DENND5B: variants seen among roughly 807,000 people sequenced by gnomAD.
DENND5B encodes DENN domain containing 5B, also known as DENN domain-containing protein 5B.
In DENND5B, 34 loss-of-function variants were observed where a neutral mutation model predicts 140.6. The observed-to-expected ratio is 0.24, with a 90% confidence interval of 0.18 to 0.32. The LOEUF is 0.32. Ranked by LOEUF, DENND5B falls within the 10% of genes least tolerant of loss-of-function variation. The pLI is 1.00. For synonymous variants in DENND5B, 551 were observed against 562.1 expected (o/e 0.98, Z 0.28); for missense variants, 1,142 against 1,560.2 (o/e 0.73, Z 4.52).
chr12:31,544,328 C>A (rs1565680877), intron 1 of DENND5B, among the ~76,000 whole-genome samples: 1 of 152,162 alleles, frequency 6.6e-6, no homozygotes, highest in Non-Finnish European at 1.5e-5. Flanking sequence ...GTCACCCATG[C>A]TGCAGTGCAG....
chr12:31,501,590 A>G (rs371446938), intron 1 of DENND5B, among the ~76,000 whole-genome samples: 84 of 152,278 alleles, frequency 5.5e-4, no homozygotes, highest in African/African-American at 2.0e-3. Context: ...CCTGGCCAAC[A>G]TGGCAAAACC....
At chr12:31,438,130 C>T (rs868841161) in intron 7 of DENND5B, among the ~76,000 whole-genome samples, 20 of 152,274 alleles carry the variant, frequency 1.3e-4, no homozygotes, top group Middle Eastern at 3.4e-3. Context: ...CTCCAGCCAC[C>T]GTGCCCGGCT....
At chr12:31,423,886 G>A (rs1943128911) in intron 10 of DENND5B, among the ~76,000 whole-genome samples, 1 of 152,214 alleles carries the variant, frequency 6.6e-6, no homozygotes, top group Non-Finnish European at 1.5e-5. Context: ...CCTGGGAAAA[G>A]GAAGCAGCTA....
chr12:31,544,578 C>T (rs1948791472), intron 1 of DENND5B, among the ~76,000 whole-genome samples: 1 of 152,062 alleles, frequency 6.6e-6, no homozygotes. Context: ...AACCACCATG[C>T]CCAGCCAATA....
intron 14 of DENND5B, among the ~76,000 whole-genome samples, chr12:31,407,855 T>A (rs1312350802): frequency 6.6e-6 from 1 of 152,224 alleles, no homozygotes; most frequent in Admixed American, 6.5e-5. Context: ...TGTAAACCAC[T>A]GGTTTTCAAG....
At chr12:31,416,216 T>C (rs1400320337) in intron 11 of DENND5B, among the ~76,000 whole-genome samples, 1 of 152,078 alleles carries the variant, frequency 6.6e-6, no homozygotes, top group African/African-American at 2.4e-5. Flanking sequence ...TAGCAAACAA[T>C]GCAATGTGTA....
At chr12:31,564,634 T>G (rs1329253617) in intron 1 of DENND5B, among the ~76,000 whole-genome samples, 2 of 151,102 alleles carry the variant, frequency 1.3e-5, no homozygotes, top group South Asian at 4.2e-4. Flanking sequence ...TGTCACCCAG[T>G]CTGGAGAGCA....
intron 1 of DENND5B, among the ~76,000 whole-genome samples, chr12:31,530,176 C>G (rs903713522): frequency 1.3e-5 from 2 of 152,098 alleles, no homozygotes; most frequent in Non-Finnish European, 2.9e-5. Flanking sequence ...AGTTCGAGAC[C>G]AGCCTGGCCA....
In DENND5B at chr12:31,409,355, C is replaced by A; in HGVS notation, c.2711G>T (p.Arg904Leu). ...AAACTGCTCTCTTTCTTCTTCGCAA[C>A]GTAGAAAAGCATATCGCTTATAAAG... ...KKLYKRYAFLRCEEEREQFLY... is the reference protein window; with the variant it reads ...KKLYKRYAFLLCEEEREQFLY... The change falls in exon 14 of 21, where the codon CGT becomes CTT. Residue 904 changes from arginine to leucine, a missense_variant. Arg to Leu is a moderately radical substitution (Grantham distance 102). Coordinates refer to ENST00000389082, the MANE Select transcript of DENND5B (RefSeq NM_144973.4). 6.4e-7 allele frequency: 1 copy of A among 1,551,152 alleles called. No individual in the cohort carries two copies. The highest frequency in any genetic ancestry group is 8.7e-7 in the Non-Finnish European group (1 of 1,149,196).
intron 4 of DENND5B, among the ~76,000 whole-genome samples, chr12:31,459,741 C>G (rs1315538337): frequency 6.6e-6 from 1 of 152,160 alleles, no homozygotes; most frequent in African/African-American, 2.4e-5. Flanking sequence ...ACAGAGAATA[C>G]TGAAGTGTTT....
intron 8 of DENND5B, chr12:31,432,495 C>A (rs1943552720): frequency 6.6e-6 from 1 of 152,060 alleles, no homozygotes; most frequent in Admixed American, 6.6e-5. Flanking sequence ...CTGGGCATGG[C>A]AGCTCACACC....
At position 31,470,224 on chromosome 12, in the gene DENND5B, C is replaced by T. The variant is rs896841785; in HGVS notation, c.904+9365G>A. 4.7e-5 allele frequency among the ~76,000 whole-genome samples: 7 copies of T among 147,894 alleles called. No homozygotes were observed. The South Asian group carries it at 1.3e-3, about 27-fold the overall frequency. Reference sequence around the variant, plus strand: ...CTGCCTCCAGGGTTCAAGCGATTCTCCTGCCTCAGCCTCCCGAGTAGCTGG... The same window carrying T: ...CTGCCTCCAGGGTTCAAGCGATTCTTCTGCCTCAGCCTCCCGAGTAGCTGG... On this transcript the variant is annotated intron_variant, in intron 3 of 20. Coordinates refer to ENST00000389082, the MANE Select transcript of DENND5B (RefSeq NM_144973.4).
At chr12:31,428,328 G>A (rs1009502529) in intron 8 of DENND5B, among the ~76,000 whole-genome samples, 13 of 145,296 alleles carry the variant, frequency 8.9e-5, no homozygotes, top group Non-Finnish European at 2.0e-4. Context: ...GGTGACAAAA[G>A]CAAGACTCCA....
chr12:31,504,407 C>T (rs951628898), intron 1 of DENND5B, among the ~76,000 whole-genome samples: 2 of 152,130 alleles, frequency 1.3e-5, no homozygotes, highest in African/African-American at 2.4e-5. Context: ...TGAGATCTGG[C>T]CTTCTGGTTG....
At position 31,383,368 on chromosome 12, in the gene DENND5B, CCT is replaced by C. The variant is rs761147294; in HGVS notation, c.*4233_*4234del. 24 of 152,186 alleles carry C rather than the reference CCT, an allele frequency of 1.6e-4. No individual in the cohort carries two copies. Among genetic ancestry groups the C allele is most frequent in the Non-Finnish European group, 2.6e-4 (18 of 68,014 alleles). 9.4% of individuals were successfully genotyped at this position (152,186 alleles called of 1,614,324 possible). On this transcript the variant is annotated 3_prime_UTR_variant, in exon 21 of 21. Transcript: ENST00000389082. The stretch of plus-strand genomic sequence containing the variant: ...ACATAAGCTGTTGTATAGTCTTGAA[CCT>C]CTTTTTCACTTACATTTACATATAA...
chr12:31,555,334 G>C (rs543868472), intron 1 of DENND5B, among the ~76,000 whole-genome samples: 1 of 152,302 alleles, frequency 6.6e-6, no homozygotes, highest in East Asian at 1.9e-4. Flanking sequence ...GACCCTGTTT[G>C]CCTGGGTATC....
chr12:31,561,350 G>C (rs1359179837), intron 1 of DENND5B, among the ~76,000 whole-genome samples: 2 of 152,210 alleles, frequency 1.3e-5, no homozygotes, highest in Non-Finnish European at 2.9e-5. Context: ...TAAGCCAAGC[G>C]TGGTGGCACA....
chr12:31,430,495 T>TA (rs1565570923), intron 8 of DENND5B, among the ~76,000 whole-genome samples: 5 of 2,130 alleles, frequency 2.3e-3, no homozygotes, highest in East Asian at 0.038. Flanking sequence ...CTACTAAAAA[T>TA]ACAAAAAAAA....
At chr12:31,514,661 C>CA (rs1398881291) in intron 1 of DENND5B, among the ~76,000 whole-genome samples, 1 of 151,544 alleles carries the variant, frequency 6.6e-6, no homozygotes, top group Non-Finnish European at 1.5e-5. Flanking sequence ...ACTAAAAATA[C>CA]AAAAAATTTG....
Sources: allele counts gnomAD v4.1 joint callset (sites outside exome capture counted in the v4.1 genomes callset), GRCh38; gene constraint gnomAD v4.1.1; transcripts MANE v1.5; gene names NCBI Gene and HGNC (gene_info 2026-07-23, HGNC 2026-07-21).